The following SLC11A1 variants were observed in gnomAD, a reference collection of about 807,000 sequenced individuals.
SLC11A1 encodes the protein solute carrier family 11 member 1.
SLC11A1 carries 59 observed loss-of-function variants against 63.2 expected under a neutral mutation model. The observed-to-expected ratio is 0.93, with a 90% CI of 0.76 to 1.16. The LOEUF (loss-of-function observed/expected upper bound fraction) is 1.16, where lower values mean the gene tolerates loss of function less well. Among genes scored for constraint, SLC11A1 ranks in the 50% most tolerant of loss-of-function variants. SLC11A1 has a pLI of 0.00. For missense variants in SLC11A1, 688 were observed against 730.7 expected (o/e 0.94, Z 0.67); for synonymous variants, 305 against 307.8 (o/e 0.99, Z 0.09).
chr2:218,395,964 A>T lies in SLC11A1; in HGVS notation c.*929A>T, dbSNP rs1426315839. 1 of 152,406 alleles carries T rather than the reference A, an allele frequency of 6.6e-6. No homozygotes were observed. The highest frequency in any genetic ancestry group is 1.9e-4 in the East Asian group (1 of 5,330). The allele number at this position is 152,406 out of a possible 1,614,324, so 9.4% of individuals were successfully genotyped here. On this transcript the variant is annotated 3_prime_UTR_variant, in exon 15 of 15. Transcript: ENST00000233202. ...TTCTTTCTCCGTCAGGCACCAGGTC[A>T]TAAGGAACCCAAGAGTCTGTGCCTC... is the stretch of plus-strand genomic sequence containing the variant.
In SLC11A1 at chr2:218,389,869, G is replaced by C; in HGVS notation, c.796-1G>C. 5 of 1,607,262 alleles carry C rather than the reference G, an allele frequency of 3.1e-6. No individual in the cohort carries two copies. The South Asian group carries it at 5.5e-5, about 18-fold the overall frequency. The stretch of plus-strand genomic sequence containing the variant: ...CTTCCCTCTCCCTTTGATCTTCGTA[G>C]TCTCGAGAGATAGACCGGGCCCGCC... On this transcript the variant is annotated splice_acceptor_variant, in intron 8 of 14. Coordinates refer to ENST00000233202, the MANE Select transcript of SLC11A1 (RefSeq NM_000578.4). LOFTEE classifies it high-confidence loss of function.
intron 6 of SLC11A1, 79 bp downstream of exon 6, chr2:218,387,309 G>T: frequency 7.3e-7 from 1 of 1,374,726 alleles, no homozygotes. Context: ...ACATCGAACA[G>T]CCTGGGAGCG....
Position 218,384,139 on chromosome 2 carries a change from G to A in SLC11A1, c.151-104G>A. The A allele has an allele frequency of 7.7e-7, 1 of 1,297,336 alleles. No homozygotes were observed. The highest frequency in any genetic ancestry group is 2.5e-5 in the East Asian group (1 of 39,326). 80.4% of individuals were successfully genotyped at this position (1,297,336 alleles called of 1,614,324 possible). On this transcript the variant is annotated intron_variant, in intron 2 of 14. Transcript: ENST00000233202. This position sits in a 1 kb window ranked among gnomAD's most constrained non-coding sequence, Gnocchi z 4.0. The stretch of plus-strand genomic sequence containing the variant: ...GGAATGGGCCATGGAGGGCAGGGCT[G>A]GGCTGATGAGCCTGTTGGGGCTCCT...
At chr2:218,385,867 C>G (rs1053917792) in intron 4 of SLC11A1, among the ~76,000 whole-genome samples, 2 of 152,166 alleles carry the variant, frequency 1.3e-5, no homozygotes, top group African/African-American at 4.8e-5. Flanking sequence ...GGGGTGGACC[C>G]TGGGGACTTC....
chr2:218,389,889 C>T lies in SLC11A1; in HGVS notation c.815C>T (p.Ala272Val). 6.2e-7 allele frequency: 1 copy of T among 1,612,278 alleles called. No homozygotes were observed. The highest frequency in any genetic ancestry group is 8.5e-7 in the Non-Finnish European group (1 of 1,178,972). Residue 272 changes from alanine (A) to valine (V), a missense_variant, in exon 9 of 15, where the codon GCC becomes GTC. Physicochemically the swap from Ala to Val is moderately conservative, Grantham distance 64 (BLOSUM62 0). Transcript: ENST00000233202. ...TCGTAGTCTCGAGAGATAGACCGGG[C>T]CCGCCGAGCAGACATCAGAGAAGCC... Reference protein sequence around the residue: ...ALVKSREIDRARRADIREANM... With the variant: ...ALVKSREIDRVRRADIREANM...
intron 9 of SLC11A1, among the ~76,000 whole-genome samples, chr2:218,390,672 T>A (rs1418523266): frequency 6.6e-6 from 1 of 151,668 alleles, no homozygotes; most frequent in Non-Finnish European, 1.5e-5. Context: ...CTCTGTTCCT[T>A]GGCACAAGGA....
At position 218,395,302 on chromosome 2, in the gene SLC11A1, A is replaced by ACAAC; in HGVS notation, c.*270_*271insCCAA. 13 of 437,678 alleles carry ACAAC rather than the reference A, an allele frequency of 3.0e-5. No homozygotes were observed. Among genetic ancestry groups the ACAAC allele is most frequent in the East Asian group, 3.9e-5 (1 of 25,950 alleles). The allele number at this position is 437,678 out of a possible 1,614,324, so 27.1% of individuals were successfully genotyped here. ...TGTCTGGCACTTGGGACAAAAACAAACAAACGAAAAACATTTCAAAAGGTA... is the reference window on the plus strand; with the variant it reads ...TGTCTGGCACTTGGGACAAAAACAAACAACCAAACGAAAAACATTTCAAAAGGTA... On this transcript the variant is annotated 3_prime_UTR_variant, in exon 15 of 15. Coordinates refer to ENST00000233202, the MANE Select transcript of SLC11A1 (RefSeq NM_000578.4).
chr2:218,388,369 CA>C (rs34511982), intron 8 of SLC11A1: 48,012 of 115,394 alleles, frequency 0.42, 7,940 homozygotes, highest in African/African-American at 0.5. Context: ...GACTCTGTCT[CA>C]AAAAAAAAAA....
chr2:218,395,059 A>C lies in SLC11A1; in HGVS notation c.*24A>C. ...AGGCCCACACCAGGGCCTGGCTGGG[A>C]GTGGCATGTATGACGTGACTGGCCT... On this transcript the variant is annotated 3_prime_UTR_variant, in exon 15 of 15. Coordinates refer to ENST00000233202, the MANE Select transcript of SLC11A1 (RefSeq NM_000578.4). The C allele has an allele frequency of 6.5e-7, 1 of 1,536,232 alleles. No homozygotes were observed. The highest frequency in any genetic ancestry group is 8.9e-7 in the Non-Finnish European group (1 of 1,126,872).
Position 218,385,282 on chromosome 2 carries a change from C to T in SLC11A1, c.393+16C>T, listed in dbSNP as rs1279511330. On this transcript the variant is annotated intron_variant, in intron 4 of 14. Transcript: ENST00000233202. The stretch of plus-strand genomic sequence containing the variant: ...CTACCCTAAGGTGAGCTTGGGGGGC[C>T]TGGACAGGGAGAACCACTGGCCCCA... 1.2e-6 allele frequency: 2 copies of T among 1,613,686 alleles called. No homozygotes were observed. The highest frequency in any genetic ancestry group is 1.7e-6 in the Non-Finnish European group (2 of 1,179,646).
Position 218,387,954 on chromosome 2 carries a change from A to C in SLC11A1, c.794A>C (p.Lys265Thr). ...ATCTACCTGCACTCGGCCCTGGTCA[A>C]GGTGAGCAGAGGGGAGGGGAAAGGA... ...HNIYLHSALV[K>T]SREIDRARRA... Residue 265 changes from lysine (K) to threonine (T), a missense_variant and splice_region_variant, in exon 8 of 15, where the codon AAG becomes ACG. Transcript: ENST00000233202. The C allele has an allele frequency of 6.2e-7, 1 of 1,600,998 alleles. No individual in the cohort carries two copies. Among genetic ancestry groups the C allele is most frequent in the Non-Finnish European group, 8.5e-7 (1 of 1,172,432 alleles).
chr2:218,383,288 A>T, intron 2 of SLC11A1, 186 bp downstream of exon 2: 2 of 619,308 alleles, frequency 3.2e-6, no homozygotes, highest in Non-Finnish European at 2.8e-6. Context: ...GGGGTGCTTC[A>T]GTATTTGTCT....
In SLC11A1 at chr2:218,384,254, C is replaced by A. The variant is rs144642978; in HGVS notation, c.162C>A (p.Ser54Arg). 1.3e-6 allele frequency: 2 copies of A among 1,599,488 alleles called. No homozygotes were observed. The highest frequency in any genetic ancestry group is 1.7e-6 in the Non-Finnish European group (2 of 1,169,828). Residue 54 changes from serine to arginine, a missense_variant, in exon 3 of 15, where the codon AGC (serine) becomes AGA (arginine). Ser to Arg is a moderately radical substitution (Grantham distance 110, BLOSUM62 -1). Transcript: ENST00000233202. The surrounding 1 kb of genome is among the most constrained non-coding windows in gnomAD (Gnocchi z 4.0). ...CCACCCCCCAACAGGGCACCTTCAG[C>A]CTGCGGAAGCTATGGGCCTTCACGG... ...PIPDTKPGTFSLRKLWAFTGP... is the reference protein window; with the variant it reads ...PIPDTKPGTFRLRKLWAFTGP...
intron 4 of SLC11A1, chr2:218,385,575 G>T (rs987807032): frequency 6.3e-5 from 26 of 410,354 alleles, no homozygotes; most frequent in African/African-American, 5.1e-4. Context: ...ATTTTTAGTA[G>T]AGCTGGGGTT....
Position 218,396,167 on chromosome 2 carries a change from G to A in SLC11A1, c.*1132G>A, listed in dbSNP as rs1696749570. On this transcript the variant is annotated 3_prime_UTR_variant, in exon 15 of 15. Coordinates refer to ENST00000233202, the MANE Select transcript of SLC11A1 (RefSeq NM_000578.4). Reference sequence around the variant, plus strand: ...CAGGCGGAACGACGCGGGGAGGCGGGCGCTCGGGGCTCGCGCCAGGGGCCC... The same window carrying A: ...CAGGCGGAACGACGCGGGGAGGCGGACGCTCGGGGCTCGCGCCAGGGGCCC... The A allele has an allele frequency of 1.0e-5, 1 of 100,176 alleles. No homozygotes were observed. Among genetic ancestry groups the A allele is most frequent in the Non-Finnish European group, 2.0e-5 (1 of 50,390 alleles). The allele number at this position is 100,176 out of a possible 1,614,324, so 6.2% of individuals were successfully genotyped here. A position where few individuals can be genotyped will look rare whatever the true frequency, so the allele number is the denominator to read the frequency against.
At position 218,389,847 on chromosome 2, in the gene SLC11A1, C is replaced by T. The variant is rs762463901; in HGVS notation, c.796-23C>T. Reference sequence around the variant, plus strand: ...GTGGCTCTGAGGGACTTTGGCACTTCCCTCTCCCTTTGATCTTCGTAGTCT... The same window carrying T: ...GTGGCTCTGAGGGACTTTGGCACTTTCCTCTCCCTTTGATCTTCGTAGTCT... On this transcript the variant is annotated intron_variant, in intron 8 of 14. Coordinates refer to ENST00000233202, the MANE Select transcript of SLC11A1 (RefSeq NM_000578.4). 8 of 1,593,310 alleles carry T rather than the reference C, an allele frequency of 5.0e-6. No individual in the cohort carries two copies. The Admixed American group carries it at 1.0e-4, about 21-fold the overall frequency.
In SLC11A1 at chr2:218,384,988, G is replaced by C. The variant is rs1696002635; in HGVS notation, c.274-159G>C. ...TCCTCCCACCTTAGCCTTTTAAAGT[G>C]CTGGGATTACAGGGTGAGCTACCAG... On this transcript the variant is annotated intron_variant, in intron 3 of 14. Transcript: ENST00000233202. The surrounding 1 kb of genome is among the most constrained non-coding windows in gnomAD (Gnocchi z 4.0). 1.1e-6 allele frequency: 1 copy of C among 880,178 alleles called. No homozygotes were observed. Among genetic ancestry groups the C allele is most frequent in the Admixed American group, 2.5e-5 (1 of 40,736 alleles). 54.5% of individuals were successfully genotyped at this position (880,178 alleles called of 1,614,324 possible). A position where few individuals can be genotyped will look rare whatever the true frequency, so the allele number is the denominator to read the frequency against.
At position 218,391,376 on chromosome 2, in the gene SLC11A1, G is replaced by T; in HGVS notation, c.1045G>T (p.Gly349Cys). The T allele has an allele frequency of 5.6e-6, 9 of 1,613,984 alleles. No individual in the cohort carries two copies. Among genetic ancestry groups the T allele is most frequent in the Non-Finnish European group, 7.6e-6 (9 of 1,179,938 alleles). ...ATVAVDIYQG[G>C]VILGCLFGPA... Reference sequence around the variant, plus strand: ...GGTCCTACCACACTCGTCCCTGCAGGGCGTGATCCTGGGCTGCCTGTTCGG... The same window carrying T: ...GGTCCTACCACACTCGTCCCTGCAGTGCGTGATCCTGGGCTGCCTGTTCGG... The change falls in exon 11 of 15, where the codon GGC becomes TGC. Residue 349 changes from glycine to cysteine, a missense_variant and splice_region_variant. Gly to Cys is a radical substitution (Grantham distance 159). Coordinates refer to ENST00000233202, the MANE Select transcript of SLC11A1 (RefSeq NM_000578.4).
intron 13 of SLC11A1, 22 bp downstream of exon 13, chr2:218,394,215 T>C (rs1298979126): frequency 6.2e-7 from 1 of 1,609,806 alleles, no homozygotes; most frequent in Admixed American, 1.7e-5. Context: ...CTTTCCCAAG[T>C]GCTGGATTGC....
Sources: allele counts gnomAD v4.1 joint callset (sites outside exome capture counted in the v4.1 genomes callset), GRCh38; gene constraint gnomAD v4.1.1; non-coding constraint Gnocchi (gnomAD v3.1); transcripts MANE v1.5; gene names NCBI Gene and HGNC (gene_info 2026-07-23, HGNC 2026-07-21).